The following MGST1 variants were observed in gnomAD, a reference collection of about 807,000 sequenced individuals.
MGST1 encodes glutathione S-transferase 12.
Under a neutral mutation model 8.9 loss-of-function variants are expected in MGST1, and 5 were observed. The ratio of observed to expected loss-of-function variants is 0.56; its 90% CI spans 0.29 to 1.19. The LOEUF (loss-of-function observed/expected upper bound fraction) is 1.19. Ranked by LOEUF, MGST1 falls within the 50% of genes most tolerant of loss-of-function variation. The pLI is 0.08. For synonymous variants in MGST1, 54 were observed against 67.8 expected, an observed-to-expected ratio of 0.80 and a Z score of 1.00; for missense variants, 182 against 187.4, an observed-to-expected ratio of 0.97 and a Z score of 0.17.
Position 16,537,478 on chromosome 12 carries a change from T to C in MGST1, n.483-52050T>C, listed in dbSNP as rs531571393. On this transcript the variant is annotated intron_variant and non_coding_transcript_variant, in intron 4 of 4. Coordinates refer to the MGST1 transcript ENST00000538857. This position sits in a 1 kb window ranked among gnomAD's most constrained non-coding sequence, Gnocchi z 4.6. ...AGCTCCACTAGGAGGTGCCCCAGTA[T>C]GGACTCTGTGTGGGGGCACCAACCC... 6.6e-6 allele frequency among the ~76,000 whole-genome samples: 1 copy of C among 152,338 alleles called. No individual in the cohort carries two copies. Among genetic ancestry groups the C allele is most frequent in the Admixed American group, 6.5e-5 (1 of 15,312 alleles).
chr12:16,454,635 G>A (rs1353065493), intron 4 of MGST1, among the ~76,000 whole-genome samples: 1 of 151,746 alleles, frequency 6.6e-6, no homozygotes, highest in Non-Finnish European at 1.5e-5. Flanking sequence ...ACTATGACAA[G>A]CTGTTTCACA....
At chr12:16,404,778 A>C (rs1940685977) in intron 1 of MGST1, among the ~76,000 whole-genome samples, 1 of 152,118 alleles carries the variant, frequency 6.6e-6, no homozygotes, top group Non-Finnish European at 1.5e-5. Flanking sequence ...TTACGTCCTC[A>C]TTACCACTTT....
chr12:16,441,256 C>T (rs1235314687), downstream of MGST1, among the ~76,000 whole-genome samples: 1 of 151,776 alleles, frequency 6.6e-6, no homozygotes, highest in African/African-American at 2.4e-5. Context: ...CCTACTCCCA[C>T]CCAGGCATAA....
intron 1 of MGST1, among the ~76,000 whole-genome samples, chr12:16,406,125 T>C (rs1203592937): frequency 6.6e-6 from 1 of 152,160 alleles, no homozygotes; most frequent in Non-Finnish European, 1.5e-5. Flanking sequence ...TAACTGGCTA[T>C]CCCTGTTTGC....
Position 16,376,224 on chromosome 12 carries a change from C to T in MGST1, c.*60C>T. The T allele has an allele frequency of 5.7e-6, 4 of 702,840 alleles. No individual in the cohort carries two copies. The South Asian group carries it at 5.8e-5, about 10-fold the overall frequency. The allele number at this position is 702,840 out of a possible 1,614,324, so 43.5% of individuals were successfully genotyped here. ...AGAAATGTTTCCTTGTAGAAGCAAA[C>T]CAGTGAATAATTGAAGAAAAAATTT... is the stretch of plus-strand genomic sequence containing the variant. On this transcript the variant is annotated 3_prime_UTR_variant, in exon 4 of 4. Coordinates refer to the MGST1 transcript ENST00000535309.
intron 1 of MGST1, among the ~76,000 whole-genome samples, chr12:16,435,332 T>C (rs117536073): frequency 0.012 from 1,827 of 152,112 alleles, 17 homozygotes; most frequent in Non-Finnish European, 0.018. Flanking sequence ...TTTCTACTTA[T>C]AGCTTCCAGG....
At chr12:16,384,113 A>G (rs1940482908) in intron 1 of MGST1, among the ~76,000 whole-genome samples, 1 of 152,110 alleles carries the variant, frequency 6.6e-6, no homozygotes, top group Non-Finnish European at 1.5e-5. Flanking sequence ...GAGAGAATGG[A>G]TCTTGGGTTG....
chr12:16,387,762 A>G (rs969017523), intron 1 of MGST1, among the ~76,000 whole-genome samples: 16 of 152,110 alleles, frequency 1.1e-4, no homozygotes, highest in South Asian at 6.2e-4. Context: ...TCCTGACCTC[A>G]TGATCTGCCC....
intron 1 of MGST1, among the ~76,000 whole-genome samples, chr12:16,406,826 T>C (rs905574487): frequency 2.6e-5 from 4 of 152,190 alleles, no homozygotes; most frequent in Admixed American, 1.3e-4. Flanking sequence ...ATTCAGTAAA[T>C]GGTGCTGGGA....
chr12:16,494,110 G>T (rs912499359), intron 4 of MGST1, among the ~76,000 whole-genome samples: 5 of 152,002 alleles, frequency 3.3e-5, no homozygotes, highest in Non-Finnish European at 7.4e-5. Context: ...GCATAAAAGC[G>T]GTATGTTCCC....
At chr12:16,568,826 A>T (rs1002751806) in intron 4 of MGST1, among the ~76,000 whole-genome samples, 1 of 152,202 alleles carries the variant, frequency 6.6e-6, no homozygotes, top group East Asian at 1.9e-4. Context: ...CCCTGGATAT[A>T]TGACAGTTAT....
In MGST1 at chr12:16,544,021, G is replaced by A. The variant is rs1941807475; in HGVS notation, n.483-45507G>A. ...CTCATACTCTTCCTAAGTGTAAGCAGGTGATTTCTTATACTGCTGCTTTAT... is the reference window on the plus strand; with the variant it reads ...CTCATACTCTTCCTAAGTGTAAGCAAGTGATTTCTTATACTGCTGCTTTAT... On this transcript the variant is annotated intron_variant and non_coding_transcript_variant, in intron 4 of 4. Transcript: ENST00000538857. This position sits in a 1 kb window ranked among gnomAD's most constrained non-coding sequence, Gnocchi z 4.8. Among the ~76,000 whole-genome samples the A allele has an allele frequency of 6.6e-6, 1 of 152,058 alleles. No individual in the cohort carries two copies. The highest frequency in any genetic ancestry group is 2.4e-5 in the African/African-American group (1 of 41,414).
intron 1 of MGST1, among the ~76,000 whole-genome samples, chr12:16,425,554 G>A (rs1033808918): frequency 1.3e-5 from 2 of 152,148 alleles, no homozygotes; most frequent in Non-Finnish European, 2.9e-5. Context: ...AAATTGCTGG[G>A]ATTACAAGTG....
chr12:16,399,253 G>C (rs867923421), intron 1 of MGST1: 17 of 1,595,208 alleles, frequency 1.1e-5, no homozygotes, highest in Non-Finnish European at 1.4e-5. Context: ...GAAGAAAGGA[G>C]CTCAGGGCCA....
Position 16,518,976 on chromosome 12 carries a change from ACAATGTAATT to A in MGST1, n.483-70548_483-70539del, listed in dbSNP as rs1353937469. On this transcript the variant is annotated intron_variant and non_coding_transcript_variant, in intron 4 of 4. Coordinates refer to the MGST1 transcript ENST00000538857. Reference sequence around the variant, plus strand: ...GGTAGATAAGTTGTGTATGATTTATACAATGTAATTCAAAGTAAACTTTTCTAATTATAAT... The same window carrying A: ...GGTAGATAAGTTGTGTATGATTTATACAAAGTAAACTTTTCTAATTATAAT... Among the ~76,000 whole-genome samples the A allele has an allele frequency of 2.0e-5, 3 of 152,346 alleles. No individual in the cohort carries two copies. In the South Asian group the frequency reaches 6.2e-4, roughly 32 times the overall value.
chr12:16,539,385 C>T (rs1244407472), intron 4 of MGST1, among the ~76,000 whole-genome samples: 3 of 152,054 alleles, frequency 2.0e-5, no homozygotes, highest in Admixed American at 6.5e-5. Context: ...ACTTAATTTC[C>T]ATGGTATCCT....
downstream of MGST1, among the ~76,000 whole-genome samples, chr12:16,442,675 C>A (rs922355592): frequency 6.6e-6 from 1 of 151,750 alleles, no homozygotes; most frequent in African/African-American, 2.4e-5. This position sits in a 1 kb window ranked among gnomAD's most constrained non-coding sequence, Gnocchi z 4.5. Flanking sequence ...TTACCAATAC[C>A]ACAATGTCTT....
At position 16,517,181 on chromosome 12, in the gene MGST1, C is replaced by T. The variant is rs925599735; in HGVS notation, n.483-72347C>T. On this transcript the variant is annotated intron_variant and non_coding_transcript_variant, in intron 4 of 4. Transcript: ENST00000538857. This position sits in a 1 kb window ranked among gnomAD's most constrained non-coding sequence, Gnocchi z 4.2. ...CCAGCAAACTTCACAATCATCTGAT[C>T]GAATATATGAGATCTAATGAAAGAC... 2.0e-5 allele frequency among the ~76,000 whole-genome samples: 3 copies of T among 152,034 alleles called. No homozygotes were observed. The highest frequency in any genetic ancestry group is 4.8e-5 in the African/African-American group (2 of 41,400).
intron 4 of MGST1, among the ~76,000 whole-genome samples, chr12:16,485,783 C>T (rs1443567905): frequency 6.6e-6 from 1 of 152,082 alleles, no homozygotes; most frequent in Non-Finnish European, 1.5e-5. Flanking sequence ...GATCTGTAGT[C>T]CCAAGTACTT....
Sources: gnomAD v4.1 joint callset for allele counts (sites outside exome capture counted in the v4.1 genomes callset) on GRCh38, gnomAD v4.1.1 for gene constraint, Gnocchi (gnomAD v3.1) non-coding constraint, MANE v1.5 for transcripts, NCBI Gene and HGNC (gene_info 2026-07-23, HGNC 2026-07-21) for gene names.